Variants in NXN observed in about 807,000 individuals in gnomAD.
NXN encodes the protein nucleoredoxin.
In NXN, 16 loss-of-function variants were observed where a neutral mutation model predicts 48.6. That is an observed-to-expected ratio of 0.33 (90% confidence interval 0.22 to 0.50). The LOEUF (loss-of-function observed/expected upper bound fraction) is 0.50. NXN is among the 20% of genes least tolerant of loss of function. NXN has a pLI of 0.98. For synonymous variants in NXN, 281 were observed against 269.6 expected, an observed-to-expected ratio of 1.04 and a Z score of -0.41; for missense variants, 492 against 605.5, an observed-to-expected ratio of 0.81 and a Z score of 1.97.
intron 1 of NXN, among the ~76,000 whole-genome samples, chr17:948,747 A>G (rs2069075100): frequency 6.6e-6 from 1 of 151,380 alleles, no homozygotes; most frequent in African/African-American, 2.4e-5. Flanking sequence ...TGAGAGCAGC[A>G]TTCTCAGATG....
chr17:934,909 C>T (rs1011047355), intron 1 of NXN, among the ~76,000 whole-genome samples: 1 of 152,092 alleles, frequency 6.6e-6, no homozygotes, highest in African/African-American at 2.4e-5. Flanking sequence ...TTAGCCCAGT[C>T]CCAAGCGGAC....
intron 1 of NXN, among the ~76,000 whole-genome samples, chr17:943,097 T>C (rs2068998469): frequency 1.3e-5 from 2 of 152,244 alleles, no homozygotes; most frequent in African/African-American, 4.8e-5. Context: ...TAGACCCTCC[T>C]CCCTTCCCTG....
At chr17:875,630 T>G (rs556181137) in intron 1 of NXN, among the ~76,000 whole-genome samples, 1 of 151,944 alleles carries the variant, frequency 6.6e-6, no homozygotes, top group East Asian at 1.9e-4. Context: ...TCTGCTCTGT[T>G]GCCCAGGCTG....
At chr17:930,411 G>A (rs2150596143) in intron 1 of NXN, 1 of 151,158 alleles carries the variant, frequency 6.6e-6, no homozygotes, top group South Asian at 2.1e-4. Context: ...TTCCAGCCTG[G>A]GTGACAGAGC....
chr17:841,874 C>T (rs1227971025), intron 1 of NXN, among the ~76,000 whole-genome samples: 3 of 152,166 alleles, frequency 2.0e-5, no homozygotes, highest in South Asian at 2.1e-4. Context: ...CGGCGGCTCA[C>T]GTCTGTAATC....
At chr17:807,896 GCA>G (rs967527297) in intron 5 of NXN, among the ~76,000 whole-genome samples, 47 of 152,356 alleles carry the variant, frequency 3.1e-4, no homozygotes, top group African/African-American at 1.1e-3. Context: ...GCTAGGCACG[GCA>G]CAGATGGCAC....
chr17:812,648 A>ATG (rs1056551605), intron 5 of NXN, among the ~76,000 whole-genome samples: 1 of 123,294 alleles, frequency 8.1e-6, no homozygotes, highest in Non-Finnish European at 1.8e-5. Flanking sequence ...GTGAGTGTGC[A>ATG]TGTGTGTGAC....
chr17:914,097 G>A (rs1209651138), intron 1 of NXN, among the ~76,000 whole-genome samples: 3 of 151,874 alleles, frequency 2.0e-5, no homozygotes, highest in South Asian at 2.1e-4. Flanking sequence ...ACAGGGTTTC[G>A]CCACATTGGC....
chr17:979,692 A>AG lies in NXN; in HGVS notation c.-15dup. The AG allele has an allele frequency of 1.4e-6, 2 of 1,410,814 alleles. No individual in the cohort carries two copies. 87.4% of individuals were successfully genotyped at this position (1,410,814 alleles called of 1,614,324 possible). On this transcript the variant is annotated 5_prime_UTR_variant, in exon 1 of 8. Transcript: ENST00000336868. ...GAAGCCCGACATCCTGGCCCACCGC[A>AG]GGGCGGGCAGGCGGCTGCGACCCCG...
chr17:810,483 G>T (rs1911920147), intron 5 of NXN, among the ~76,000 whole-genome samples: 3 of 152,202 alleles, frequency 2.0e-5, no homozygotes, highest in African/African-American at 7.2e-5. Context: ...GAACTGAAAG[G>T]CCGTGGGGGT....
At chr17:854,235 C>G (rs2067959877) in intron 1 of NXN, among the ~76,000 whole-genome samples, 1 of 152,188 alleles carries the variant, frequency 6.6e-6, no homozygotes, top group Non-Finnish European at 1.5e-5. Context: ...GCTCTTCTCA[C>G]TAAGGTTTTC....
chr17:977,210 C>T (rs2586278), intron 1 of NXN, among the ~76,000 whole-genome samples: 26,193 of 152,092 alleles, frequency 0.17, 3,817 homozygotes, highest in African/African-American at 0.4. Flanking sequence ...AAAGAAACTA[C>T]CTCCTTGAAA....
intron 1 of NXN, among the ~76,000 whole-genome samples, chr17:838,320 C>CG (rs904948619): frequency 2.5e-4 from 38 of 152,018 alleles, no homozygotes; most frequent in African/African-American, 8.4e-4. Flanking sequence ...TTAGTTGAGA[C>CG]GGGGTCTCAC....
chr17:880,612 C>G (rs2068273310), intron 1 of NXN, among the ~76,000 whole-genome samples: 1 of 151,990 alleles, frequency 6.6e-6, no homozygotes, highest in Non-Finnish European at 1.5e-5. Context: ...TGATTAAAGC[C>G]AAACAATGAG....
chr17:833,749 T>C (rs1159053829), intron 1 of NXN, among the ~76,000 whole-genome samples: 1 of 152,172 alleles, frequency 6.6e-6, no homozygotes, highest in Admixed American at 6.5e-5. Context: ...TAAGAGTTCA[T>C]GTCAGTGCAC....
chr17:881,382 C>T (rs774449895), intron 1 of NXN, among the ~76,000 whole-genome samples: 6 of 152,206 alleles, frequency 3.9e-5, no homozygotes, highest in Non-Finnish European at 8.8e-5. Flanking sequence ...ATTAGAAACG[C>T]GTACCACCAC....
intron 1 of NXN, among the ~76,000 whole-genome samples, chr17:876,506 T>C (rs2144821441): frequency 6.6e-6 from 1 of 152,258 alleles, no homozygotes; most frequent in Admixed American, 6.5e-5. Flanking sequence ...CTAAGCGTGT[T>C]TCATGTACGT....
At chr17:971,436 C>T (rs574150838) in intron 1 of NXN, among the ~76,000 whole-genome samples, 3 of 152,100 alleles carry the variant, frequency 2.0e-5, no homozygotes, top group Admixed American at 6.5e-5. Context: ...ACAGACCGAG[C>T]GCGGTGGCTC....
chr17:887,310 G>A (rs925769306), intron 1 of NXN, among the ~76,000 whole-genome samples: 6 of 152,156 alleles, frequency 3.9e-5, no homozygotes, highest in East Asian at 1.9e-4. Context: ...AAGGTTTGGC[G>A]GAGGTGCAGG....
Sources: gnomAD v4.1 joint callset for allele counts (sites outside exome capture counted in the v4.1 genomes callset) on GRCh38, gnomAD v4.1.1 for gene constraint, MANE v1.5 for transcripts, NCBI Gene and HGNC (gene_info 2026-07-23, HGNC 2026-07-21) for gene names.